Variants in EYS observed in about 807,000 individuals in gnomAD.
The protein encoded by EYS is EGF-like photoreceptor maintenance factor.
Under a neutral mutation model 282.1 loss-of-function variants are expected in EYS, and 250 were observed. The observed-to-expected ratio is 0.89, with a 90% CI of 0.80 to 0.98. EYS has a LOEUF of 0.98. Ranked by LOEUF, EYS falls within the 50% of genes least tolerant of loss-of-function variation. The probability of loss-of-function intolerance (pLI) is 0.00; values close to 1 mark genes in which losing one functional copy is unlikely to be tolerated. For synonymous variants in EYS, 1,355 were observed against 1,282.9 expected, an observed-to-expected ratio of 1.06 and a Z score of -1.20; for missense variants, 4,016 against 3,709.0, an observed-to-expected ratio of 1.08 and a Z score of -2.15.
intron 10 of EYS, among the ~76,000 whole-genome samples, chr6:65,338,040 C>A (rs905622495): frequency 1.3e-5 from 2 of 151,004 alleles, no homozygotes; most frequent in African/African-American, 4.8e-5. Flanking sequence ...CCTCAAAAAC[C>A]ACATAACATT....
intron 36 of EYS, among the ~76,000 whole-genome samples, chr6:63,848,804 C>T (rs1772167778): frequency 6.6e-6 from 1 of 152,140 alleles, no homozygotes; most frequent in Admixed American, 6.5e-5. Flanking sequence ...TTTCATACCC[C>T]AGTGGCACCT....
intron 41 of EYS, among the ~76,000 whole-genome samples, chr6:63,737,320 G>C (rs1299806939): frequency 1.3e-5 from 2 of 152,048 alleles, no homozygotes; most frequent in Admixed American, 6.6e-5. Flanking sequence ...TTTGTCAAAG[G>C]CCTTTTCTGC....
chr6:65,583,021 T>C (rs1653635954), intron 2 of EYS, among the ~76,000 whole-genome samples: 1 of 152,084 alleles, frequency 6.6e-6, no homozygotes, highest in Admixed American at 6.6e-5. Context: ...GGCAAGCGGA[T>C]TGTAATATTG....
intron 31 of EYS, among the ~76,000 whole-genome samples, chr6:64,132,181 A>C (rs1774001076): frequency 6.6e-6 from 1 of 152,142 alleles, no homozygotes; most frequent in African/African-American, 2.4e-5. Flanking sequence ...TACAGATCAA[A>C]AAATTCCTTT....
intron 29 of EYS, among the ~76,000 whole-genome samples, chr6:64,355,310 T>G (rs887315319): frequency 1.3e-5 from 2 of 151,596 alleles, no homozygotes; most frequent in African/African-American, 2.4e-5. Context: ...CTTAGCTATG[T>G]GGCTTCCAGG....
chr6:64,503,276 T>C (rs1433746645), intron 26 of EYS, among the ~76,000 whole-genome samples: 1 of 152,146 alleles, frequency 6.6e-6, no homozygotes, highest in Non-Finnish European at 1.5e-5. Flanking sequence ...CAGAGAGTCC[T>C]TGGGATGTAT....
chr6:64,070,273 CAT>C (rs1411941141), intron 32 of EYS, among the ~76,000 whole-genome samples: 3 of 151,974 alleles, frequency 2.0e-5, no homozygotes, highest in Non-Finnish European at 2.9e-5. Context: ...AATTTTATAA[CAT>C]CACTAATTGA....
At chr6:64,510,603 A>C (rs1195046486) in intron 26 of EYS, among the ~76,000 whole-genome samples, 1 of 152,220 alleles carries the variant, frequency 6.6e-6, no homozygotes, top group African/African-American at 2.4e-5. Context: ...GTTGACTATT[A>C]GTGCGCTGCA....
intron 30 of EYS, among the ~76,000 whole-genome samples, chr6:64,265,696 AT>A (rs1324322719): frequency 1.3e-5 from 2 of 152,272 alleles, no homozygotes; most frequent in East Asian, 3.9e-4. Flanking sequence ...CTCATTACCA[AT>A]TGTGACTTTT....
At chr6:64,187,770 C>T (rs1195782495) in intron 31 of EYS, among the ~76,000 whole-genome samples, 1 of 152,028 alleles carries the variant, frequency 6.6e-6, no homozygotes, top group Non-Finnish European at 1.5e-5. Context: ...CTTTTAGCTT[C>T]TTTAGCTTTC....
chr6:64,707,880 A>C (rs990839435), intron 22 of EYS, among the ~76,000 whole-genome samples: 3 of 152,074 alleles, frequency 2.0e-5, no homozygotes, highest in Non-Finnish European at 2.9e-5. Flanking sequence ...CTTAAAAAGA[A>C]AAAAAACATG....
intron 35 of EYS, among the ~76,000 whole-genome samples, chr6:63,945,992 T>A (rs1765386626): frequency 1.3e-5 from 2 of 152,214 alleles, no homozygotes; most frequent in Admixed American, 6.5e-5. Context: ...ACTGCTCTAT[T>A]TAGAGTTCAG....
At chr6:64,703,429 A>ATATATT (rs869208549) in intron 22 of EYS, among the ~76,000 whole-genome samples, 4 of 23,366 alleles carry the variant, frequency 1.7e-4, no homozygotes, top group African/African-American at 2.9e-4. Flanking sequence ...ATATATATAT[A>ATATATT]TTTTTTTTTT....
intron 29 of EYS, among the ~76,000 whole-genome samples, chr6:64,322,437 T>C (rs146798811): frequency 1.3e-5 from 2 of 152,134 alleles, no homozygotes; most frequent in Non-Finnish European, 2.9e-5. Context: ...CTTATTAATA[T>C]GACTAGATAT....
chr6:65,394,223 T>C (rs1416292450), intron 7 of EYS, among the ~76,000 whole-genome samples: 2 of 151,894 alleles, frequency 1.3e-5, no homozygotes, highest in East Asian at 3.9e-4. Flanking sequence ...TGTGTGTGTA[T>C]GTGCGCACGT....
At chr6:65,004,649 T>C (rs552871055) in intron 13 of EYS, among the ~76,000 whole-genome samples, 6 of 147,982 alleles carry the variant, frequency 4.1e-5, no homozygotes, top group African/African-American at 1.2e-4. Context: ...TTCACAGTGA[T>C]AACTTGGAAA....
In EYS at chr6:64,306,953, C is replaced by T. The variant is rs1297644347; in HGVS notation, c.6191+17G>A. On this transcript the variant is annotated intron_variant, in intron 30 of 42. Coordinates refer to ENST00000503581, the MANE Select transcript of EYS (RefSeq NM_001142800.2). ...TATTTGAACAAGTTATTAGAAAAAT[C>T]ACTACTGCTATTTTACCTGCAATTG... is the stretch of plus-strand genomic sequence containing the variant. The T allele has an allele frequency of 1.7e-6, 2 of 1,175,678 alleles. No individual in the cohort carries two copies. Among genetic ancestry groups the T allele is most frequent in the Non-Finnish European group, 2.5e-6 (2 of 809,306 alleles). 72.8% of individuals were successfully genotyped at this position (1,175,678 alleles called of 1,614,324 possible).
intron 36 of EYS, among the ~76,000 whole-genome samples, chr6:63,825,446 A>G (rs1224115497): frequency 6.6e-6 from 1 of 152,184 alleles, no homozygotes; most frequent in Non-Finnish European, 1.5e-5. Context: ...GCAGCACAAA[A>G]ATAGAGCATT....
intron 22 of EYS, among the ~76,000 whole-genome samples, chr6:64,719,326 C>T (rs1771497560): frequency 6.6e-6 from 1 of 152,080 alleles, no homozygotes; most frequent in African/African-American, 2.4e-5. Flanking sequence ...ATGTTTTAAA[C>T]TGTGAACTTT....
Sources: gnomAD v4.1 joint callset for allele counts (sites outside exome capture counted in the v4.1 genomes callset) on GRCh38, gnomAD v4.1.1 for gene constraint, MANE v1.5 for transcripts, NCBI Gene and HGNC (gene_info 2026-07-23, HGNC 2026-07-21) for gene names.